Variants in SETD7 observed in about 807,000 individuals in gnomAD.
SETD7 encodes SET domain containing 7, histone lysine methyltransferase, also known as histone-lysine N-methyltransferase SETD7.
In SETD7, 16 loss-of-function variants were observed where a neutral mutation model predicts 41.8. That is an observed-to-expected ratio of 0.38 (90% CI 0.26 to 0.58). SETD7 has a LOEUF of 0.58. SETD7 is among the 20% of genes least tolerant of loss of function. The pLI is 0.64. For missense variants in SETD7, 346 were observed against 459.7 expected, an observed-to-expected ratio of 0.75 and a Z score of 2.26; for synonymous variants, 163 against 169.7, an observed-to-expected ratio of 0.96 and a Z score of 0.31.
Position 139,496,335 on chromosome 4 carries a change from A to G in SETD7, c.*18T>C, listed in dbSNP as rs1238272974. The G allele has an allele frequency of 8.6e-6, 6 of 700,820 alleles. No individual in the cohort carries two copies. In the South Asian group the frequency reaches 8.9e-5, roughly 10 times the overall value. The allele number at this position is 700,820 out of a possible 1,614,324, so 43.4% of individuals were successfully genotyped here. The stretch of plus-strand genomic sequence containing the variant: ...ATTATCAGTAGGCAGAGTTCATTCC[A>G]TTCGCTTTTATCTTTTCTTAATTAC... On this transcript the variant is annotated 3_prime_UTR_variant, in exon 8 of 8. Coordinates refer to the SETD7 transcript ENST00000506866.
chr4:139,523,276 G>C (rs777257095), intron 5 of SETD7, 78 bp downstream of exon 5: 2 of 1,045,068 alleles, frequency 1.9e-6, no homozygotes, highest in Non-Finnish European at 2.9e-6. Flanking sequence ...GAGAGCCAAA[G>C]AGGTGCATAA....
At chr4:139,550,902 A>G (rs1451763223) in intron 1 of SETD7, among the ~76,000 whole-genome samples, 1 of 152,192 alleles carries the variant, frequency 6.6e-6, no homozygotes, top group Non-Finnish European at 1.5e-5. Context: ...GACTTGCCCA[A>G]GAGACATTGC....
downstream of SETD7, among the ~76,000 whole-genome samples, chr4:139,494,865 A>G (rs1726425093): frequency 6.6e-6 from 1 of 152,232 alleles, no homozygotes; most frequent in South Asian, 2.1e-4. Flanking sequence ...CGGATTTACT[A>G]CAATATTATC....
chr4:139,526,028 TTTG>T (rs1462301473), intron 4 of SETD7, among the ~76,000 whole-genome samples: 10 of 143,174 alleles, frequency 7.0e-5, no homozygotes, highest in South Asian at 2.4e-4. Flanking sequence ...CCAGAAGGTT[TTTG>T]TTGTTGTTGT....
downstream of SETD7, among the ~76,000 whole-genome samples, chr4:139,503,096 T>G (rs1481650668): frequency 2.1e-5 from 3 of 145,536 alleles, no homozygotes; most frequent in Non-Finnish European, 3.0e-5. Context: ...GAGAATTGCT[T>G]GAACCTGGGA....
Position 139,556,087 on chromosome 4 carries a change from A to G in SETD7, c.40+11T>C. The G allele has an allele frequency of 6.3e-7, 1 of 1,591,956 alleles. No individual in the cohort carries two copies. Among genetic ancestry groups the G allele is most frequent in the South Asian group, 1.1e-5 (1 of 87,428 alleles). ...GCGCCTCCTCCCCCGGCCCCGGAGA[A>G]ATGCTTGTACCTTCCACCGCCTCCT... On this transcript the variant is annotated intron_variant, in intron 1 of 7. Transcript: ENST00000274031.
intron 7 of SETD7, among the ~76,000 whole-genome samples, chr4:139,498,384 T>TA (rs1726506594): frequency 6.6e-6 from 1 of 152,160 alleles, no homozygotes; most frequent in African/African-American, 2.4e-5. Context: ...AGACAGCCGG[T>TA]ACACCCCAGA....
At chr4:139,494,718 T>G (rs575661469), downstream of SETD7, among the ~76,000 whole-genome samples, 16 of 152,266 alleles carry the variant, frequency 1.1e-4, no homozygotes, top group Non-Finnish European at 1.8e-4. Flanking sequence ...TACTGGATGT[T>G]GGACAGGCAC....
chr4:139,512,899 A>G (rs751104647), intron 7 of SETD7, among the ~76,000 whole-genome samples: 7 of 151,106 alleles, frequency 4.6e-5, no homozygotes, highest in Non-Finnish European at 7.4e-5. Context: ...CTGGGATTAC[A>G]GGTGTGTGCT....
chr4:139,523,169 C>A (rs1272962559), intron 5 of SETD7, among the ~76,000 whole-genome samples, 185 bp downstream of exon 5: 1 of 152,168 alleles, frequency 6.6e-6, no homozygotes, highest in African/African-American at 2.4e-5. Context: ...AATAAAAACA[C>A]TCTTCCTCAG....
Position 139,529,234 on chromosome 4 carries a change from C to A in SETD7, c.373-14G>T. 6.3e-7 allele frequency: 1 copy of A among 1,591,830 alleles called. No homozygotes were observed. Among genetic ancestry groups the A allele is most frequent in the Non-Finnish European group, 8.5e-7 (1 of 1,173,150 alleles). ...GCTTCCTCCATCCTGATGGGAGAAA[C>A]CAAAAACCAGAAAATATTATATATA... On this transcript the variant is annotated splice_polypyrimidine_tract_variant and intron_variant, in intron 3 of 7. Transcript: ENST00000274031.
intron 4 of SETD7, 147 bp downstream of exon 4, chr4:139,528,884 G>A (rs1352741435): frequency 3.0e-6 from 2 of 661,946 alleles, no homozygotes; most frequent in Admixed American, 3.1e-5. Context: ...CTGGGGAGGT[G>A]CAGTGTCTGT....
At chr4:139,534,010 C>CA in intron 2 of SETD7, among the ~76,000 whole-genome samples, 1 of 152,040 alleles carries the variant, frequency 6.6e-6, no homozygotes, top group Non-Finnish European at 1.5e-5. Flanking sequence ...TATATACATA[C>CA]ATCCATGATC....
chr4:139,500,196 T>C (rs1363480632), intron 7 of SETD7, among the ~76,000 whole-genome samples: 1 of 152,154 alleles, frequency 6.6e-6, no homozygotes, highest in Non-Finnish European at 1.5e-5. Flanking sequence ...ATCAGTGAAA[T>C]GCCTAATGCC....
At chr4:139,536,968 A>T (rs1727656971) in intron 2 of SETD7, among the ~76,000 whole-genome samples, 1 of 152,022 alleles carries the variant, frequency 6.6e-6, no homozygotes, top group South Asian at 2.1e-4. Flanking sequence ...GCACCACTGC[A>T]ATCTTTTTTA....
chr4:139,505,061 G>A (rs80146814), downstream of SETD7, among the ~76,000 whole-genome samples: 6,472 of 152,170 alleles, frequency 0.043, 207 homozygotes, highest in Non-Finnish European at 0.07. Context: ...CATCTCACTC[G>A]TTTCTGTTTC....
intron 7 of SETD7, among the ~76,000 whole-genome samples, chr4:139,517,475 C>CAAAAAAAA (rs56132171): frequency 7.5e-6 from 1 of 134,046 alleles, no homozygotes; most frequent in African/African-American, 3.1e-5. Context: ...AAATCCATCT[C>CAAAAAAAA]AAAAAAAAAA....
intron 1 of SETD7, among the ~76,000 whole-genome samples, chr4:139,550,408 G>C (rs1237853453): frequency 1.3e-5 from 2 of 152,180 alleles, no homozygotes; most frequent in Non-Finnish European, 2.9e-5. Flanking sequence ...TTCCTGGCTT[G>C]TTTTGTTTTC....
At position 139,533,267 on chromosome 4, in the gene SETD7, C is replaced by A; in HGVS notation, c.270G>T (p.Glu90Asp). Residue 90 changes from glutamate (E) to aspartate (D), a missense_variant, in exon 3 of 8, where the codon GAG (glutamate) becomes GAT (aspartate). Physicochemically the swap from Glu to Asp is conservative, Grantham distance 45. Around this residue, in one of 3 missense-constraint regions of SETD7, gnomAD observed 266 missense variants for 377.0 expected, o/e 0.71. Coordinates refer to ENST00000274031, the MANE Select transcript of SETD7 (RefSeq NM_030648.4). ...CATATTCCTGGGCTGGACCGTTCAG[C>A]TCTCCGTCTACATACGTGCCCTGGA... ...GVLQGTYVDG[E>D]LNGPAQEYDT... The A allele has an allele frequency of 6.2e-7, 1 of 1,614,212 alleles. No individual in the cohort carries two copies. Among genetic ancestry groups the A allele is most frequent in the Non-Finnish European group, 8.5e-7 (1 of 1,180,002 alleles).
Sources: allele counts gnomAD v4.1 joint callset (sites outside exome capture counted in the v4.1 genomes callset), GRCh38; gene constraint gnomAD v4.1.1; regional missense constraint gnomAD v4.1.1; transcripts MANE v1.5; gene names NCBI Gene and HGNC (gene_info 2026-07-23, HGNC 2026-07-21).